Variants in MMP16 observed in about 807,000 individuals in gnomAD.
MMP16 encodes matrix metallopeptidase 16.
A neutral mutation model predicts 67.8 loss-of-function variants in MMP16; 12 were observed. The observed-to-expected ratio is 0.18, with a 90% CI of 0.11 to 0.29. The LOEUF is 0.29. Among genes scored for constraint, MMP16 ranks in the 10% least tolerant of loss-of-function variants. MMP16 has a pLI of 1.00. For synonymous variants in MMP16, 249 were observed against 255.9 expected (o/e 0.97, Z 0.26); for missense variants, 475 against 765.7 (o/e 0.62, Z 4.48).
chr8:88,154,754 T>G (rs1297676414), intron 4 of MMP16, among the ~76,000 whole-genome samples: 10 of 145,772 alleles, frequency 6.9e-5, no homozygotes, highest in East Asian at 6.3e-4. Context: ...CATTGGGAGA[T>G]ATACCTAAGG....
chr8:88,269,755 C>T (rs1036767555), intron 1 of MMP16, among the ~76,000 whole-genome samples: 3 of 152,194 alleles, frequency 2.0e-5, no homozygotes, highest in Admixed American at 6.5e-5. Context: ...CAGGCCACTG[C>T]TTTGCTCTAC....
At chr8:88,310,805 GT>G (rs1811283569) in intron 1 of MMP16, among the ~76,000 whole-genome samples, 2 of 152,052 alleles carry the variant, frequency 1.3e-5, no homozygotes, top group African/African-American at 4.8e-5. Context: ...AGTTATTTCT[GT>G]CCCCTTAAAT....
chr8:88,312,991 A>G (rs1164617326), intron 1 of MMP16, among the ~76,000 whole-genome samples: 2 of 152,216 alleles, frequency 1.3e-5, no homozygotes, highest in African/African-American at 4.8e-5. Flanking sequence ...CAAAAACAAA[A>G]AAAGGTGAGT....
intron 4 of MMP16, among the ~76,000 whole-genome samples, chr8:88,148,114 G>T (rs896649088): frequency 6.6e-6 from 1 of 151,932 alleles, no homozygotes; most frequent in African/African-American, 2.4e-5. Context: ...CAATTTAATT[G>T]TTATGATTAC....
intron 1 of MMP16, among the ~76,000 whole-genome samples, chr8:88,303,673 C>A (rs1811167675): frequency 1.3e-5 from 2 of 152,224 alleles, no homozygotes; most frequent in South Asian, 4.1e-4. Context: ...ACAGGAAAAA[C>A]TGAGGCAACT....
chr8:88,213,202 AC>A (rs1271221349), intron 1 of MMP16, among the ~76,000 whole-genome samples: 2 of 152,110 alleles, frequency 1.3e-5, no homozygotes, highest in African/African-American at 4.8e-5. Context: ...TATTCAATAA[AC>A]ACTGTTAAGA....
At chr8:88,256,804 T>C (rs1453345679) in intron 1 of MMP16, among the ~76,000 whole-genome samples, 2 of 152,134 alleles carry the variant, frequency 1.3e-5, no homozygotes, top group Non-Finnish European at 2.9e-5. Context: ...GTCCACATTT[T>C]ATGATCAGGT....
At chr8:88,187,049 T>C (rs1302082176) in intron 2 of MMP16, among the ~76,000 whole-genome samples, 1 of 152,198 alleles carries the variant, frequency 6.6e-6, no homozygotes, top group African/African-American at 2.4e-5. Context: ...TTCAAGAGGG[T>C]ATATGCTACT....
intron 1 of MMP16, among the ~76,000 whole-genome samples, chr8:88,287,711 A>T (rs1320364618): frequency 6.6e-6 from 1 of 152,226 alleles, no homozygotes; most frequent in Non-Finnish European, 1.5e-5. Flanking sequence ...TAATTAGCCC[A>T]TTATGTGACA....
At chr8:88,302,534 C>A (rs750281201) in intron 1 of MMP16, among the ~76,000 whole-genome samples, 3 of 151,940 alleles carry the variant, frequency 2.0e-5, no homozygotes, top group Non-Finnish European at 4.4e-5. Flanking sequence ...AAGTAACAAC[C>A]CTAAATCACA....
chr8:88,190,068 A>C (rs1809146799), intron 2 of MMP16, among the ~76,000 whole-genome samples: 1 of 152,230 alleles, frequency 6.6e-6, no homozygotes. Context: ...ATTATTGCAG[A>C]GACATTACGT....
intron 3 of MMP16, among the ~76,000 whole-genome samples, chr8:88,172,620 G>A (rs1038904150): frequency 5.9e-5 from 9 of 152,242 alleles, no homozygotes; most frequent in Admixed American, 2.6e-4. Flanking sequence ...GTAAAAGTCT[G>A]AAAAACTTAA....
Position 88,097,625 on chromosome 8 carries a change from C to CAAA in MMP16, c.1083+18879_1083+18881dup, listed in dbSNP as rs34488162. Among the ~76,000 whole-genome samples the CAAA allele has an allele frequency of 6.6e-3, 440 of 67,048 alleles. 6 individuals are homozygous for CAAA. Among genetic ancestry groups the CAAA allele is most frequent in the African/African-American group, 0.014 (239 of 16,550 alleles). The allele number at this position is 67,048 out of a possible 152,430, so 44.0% of individuals were successfully genotyped here. A position where few individuals can be genotyped will look rare whatever the true frequency, so the allele number is the denominator to read the frequency against. ...TGAGAGCCAGAGCAAAACCCTGTCT[C>CAAA]AAAAAAAAAAAAAAAAAAAAAAGAA... On this transcript the variant is annotated intron_variant, in intron 6 of 9. Coordinates refer to ENST00000286614, the MANE Select transcript of MMP16 (RefSeq NM_005941.5).
At chr8:88,162,732 A>G (rs1252904511) in intron 4 of MMP16, among the ~76,000 whole-genome samples, 1 of 151,926 alleles carries the variant, frequency 6.6e-6, no homozygotes, top group East Asian at 1.9e-4. Flanking sequence ...AGTTCTAACG[A>G]GATCTGGTTG....
At chr8:88,255,023 T>C (rs1266794771) in intron 1 of MMP16, among the ~76,000 whole-genome samples, 1 of 152,178 alleles carries the variant, frequency 6.6e-6, no homozygotes, top group African/African-American at 2.4e-5. Context: ...TTAAAAAACA[T>C]GGGAAAAAAT....
At chr8:88,266,232 T>G (rs973435926) in intron 1 of MMP16, among the ~76,000 whole-genome samples, 8 of 152,146 alleles carry the variant, frequency 5.3e-5, no homozygotes, top group Non-Finnish European at 1.0e-4. Flanking sequence ...AGAGAGTAAA[T>G]AGACTAATTT....
chr8:88,268,099 T>C (rs1462521148), intron 1 of MMP16, among the ~76,000 whole-genome samples: 1 of 152,172 alleles, frequency 6.6e-6, no homozygotes, highest in Non-Finnish European at 1.5e-5. Flanking sequence ...TCCCAGCATT[T>C]TGGGAGGCCA....
chr8:88,074,998 C>T (rs1281169818), intron 6 of MMP16, among the ~76,000 whole-genome samples: 2 of 152,086 alleles, frequency 1.3e-5, no homozygotes, highest in African/African-American at 4.8e-5. Flanking sequence ...TTTACATTTT[C>T]TCTAGGGCTT....
chr8:88,124,891 G>A (rs1325129286), intron 4 of MMP16, among the ~76,000 whole-genome samples: 11 of 151,756 alleles, frequency 7.2e-5, no homozygotes, highest in Admixed American at 4.6e-4. Flanking sequence ...TACTCACTTC[G>A]TAAACAGAGA....
Sources: allele counts gnomAD v4.1 joint callset (sites outside exome capture counted in the v4.1 genomes callset), GRCh38; gene constraint gnomAD v4.1.1; transcripts MANE v1.5; gene names NCBI Gene and HGNC (gene_info 2026-07-23, HGNC 2026-07-21).